LGSN: variants seen among roughly 807,000 people sequenced by gnomAD.
LGSN encodes the protein lengsin.
A neutral mutation model predicts 19.5 loss-of-function variants in LGSN; 21 were observed. The observed-to-expected ratio is 1.07, with a 90% CI of 0.76 to 1.55. LGSN has a LOEUF of 1.55. Among genes scored for constraint, LGSN ranks in the 40% most tolerant of loss-of-function variants. The pLI, the probability that LGSN is intolerant of heterozygous loss-of-function variation, is 0.00. For missense variants in LGSN, 673 were observed against 608.5 expected (o/e 1.11, Z -1.12); for synonymous variants, 257 against 215.6 (o/e 1.19, Z -1.68).
chr6:63,512,523 A>AT, the LGSN span, among the ~76,000 whole-genome samples: 1 of 152,244 alleles, frequency 6.6e-6, no homozygotes, highest in East Asian at 1.9e-4. Flanking sequence ...AATGGGGAAT[A>AT]TTTTTCCTGA....
the LGSN span, among the ~76,000 whole-genome samples, chr6:63,404,049 A>G: frequency 6.6e-6 from 1 of 151,934 alleles, no homozygotes; most frequent in Non-Finnish European, 1.5e-5. Flanking sequence ...TCTGCCAACA[A>G]CTCAATAGAG....
the LGSN span, among the ~76,000 whole-genome samples, chr6:63,487,747 G>A: frequency 1.3e-5 from 2 of 152,250 alleles, no homozygotes; most frequent in South Asian, 2.1e-4. Flanking sequence ...TTGGGAGGCC[G>A]AGGTGGGCGG....
the LGSN span, among the ~76,000 whole-genome samples, chr6:63,335,109 A>G: frequency 1.3e-5 from 2 of 149,196 alleles, no homozygotes; most frequent in South Asian, 2.1e-4. Flanking sequence ...GCACCACTGC[A>G]CTCCAGCCTG....
chr6:63,282,659 C>T (rs907756173), intron 3 of LGSN, among the ~76,000 whole-genome samples: 1 of 152,188 alleles, frequency 6.6e-6, no homozygotes, highest in Admixed American at 6.5e-5. Context: ...ACCATCTCTA[C>T]ACATATTTTT....
the LGSN span, among the ~76,000 whole-genome samples, chr6:63,541,052 A>G: frequency 6.7e-6 from 1 of 150,146 alleles, no homozygotes; most frequent in East Asian, 2.0e-4. Context: ...GAAGGAAGGA[A>G]GGAAGGGAGG....
chr6:63,461,581 A>G, the LGSN span, among the ~76,000 whole-genome samples: 1 of 152,260 alleles, frequency 6.6e-6, no homozygotes, highest in African/African-American at 2.4e-5. Context: ...CATTTACATG[A>G]TCTAGTTTAA....
the LGSN span, among the ~76,000 whole-genome samples, chr6:63,336,503 T>C: frequency 1.3e-5 from 2 of 150,286 alleles, no homozygotes; most frequent in African/African-American, 4.9e-5. Flanking sequence ...ATAAGGTCAT[T>C]TTCCCTATAG....
chr6:63,508,822 G>A, the LGSN span, among the ~76,000 whole-genome samples: 2 of 151,346 alleles, frequency 1.3e-5, no homozygotes, highest in Non-Finnish European at 2.9e-5. Context: ...AGGAGGCTGA[G>A]GCAGGAGAAT....
chr6:63,350,907 GTT>G, the LGSN span, among the ~76,000 whole-genome samples: 1 of 151,790 alleles, frequency 6.6e-6, no homozygotes, highest in African/African-American at 2.4e-5. Flanking sequence ...AAAACAATTG[GTT>G]TTTTATCCTA....
At chr6:63,333,177 G>A in the LGSN span, among the ~76,000 whole-genome samples, 1 of 151,962 alleles carries the variant, frequency 6.6e-6, no homozygotes, top group Admixed American at 6.5e-5. Flanking sequence ...CTCTTATCTG[G>A]CCCCACCTAC....
chr6:63,337,403 C>T, the LGSN span, among the ~76,000 whole-genome samples: 3 of 151,720 alleles, frequency 2.0e-5, no homozygotes, highest in East Asian at 3.9e-4. Flanking sequence ...GCAGAGGTTG[C>T]GAGGTAGAGG....
At chr6:63,485,945 C>T in the LGSN span, among the ~76,000 whole-genome samples, 20 of 151,972 alleles carry the variant, frequency 1.3e-4, no homozygotes, top group African/African-American at 4.8e-4. Context: ...GGCCCGGCTG[C>T]TCTGAAACTC....
the LGSN span, among the ~76,000 whole-genome samples, chr6:63,467,815 CTG>C: frequency 6.6e-6 from 1 of 152,160 alleles, no homozygotes; most frequent in African/African-American, 2.4e-5. Flanking sequence ...CCTCAGACCC[CTG>C]AGTAGCTGGG....
At chr6:63,378,082 A>G in the LGSN span, among the ~76,000 whole-genome samples, 5 of 151,912 alleles carry the variant, frequency 3.3e-5, no homozygotes, top group Non-Finnish European at 5.9e-5. Flanking sequence ...AGAGATGGAA[A>G]AGCAATCTAG....
At chr6:63,416,162 C>T in the LGSN span, among the ~76,000 whole-genome samples, 4 of 148,936 alleles carry the variant, frequency 2.7e-5, no homozygotes, top group Non-Finnish European at 4.4e-5. Flanking sequence ...ATGGTTGGCT[C>T]CATGGCTCAT....
chr6:63,399,397 T>TC, the LGSN span, among the ~76,000 whole-genome samples: 2 of 150,794 alleles, frequency 1.3e-5, no homozygotes, highest in Non-Finnish European at 3.0e-5. Context: ...AGTACTAATT[T>TC]TTTTTTTTTT....
At chr6:63,441,661 G>A in the LGSN span, 1 of 478,508 alleles carries the variant, frequency 2.1e-6, no homozygotes. Flanking sequence ...AAGAGTGCCA[G>A]AGAAAGGAGT....
the LGSN span, among the ~76,000 whole-genome samples, chr6:63,517,251 A>G: frequency 6.6e-6 from 1 of 152,140 alleles, no homozygotes; most frequent in South Asian, 2.1e-4. Flanking sequence ...AAAGAACTAT[A>G]AGGGTGCCTA....
chr6:63,379,930 C>T, the LGSN span, among the ~76,000 whole-genome samples: 55 of 152,102 alleles, frequency 3.6e-4, no homozygotes, highest in African/African-American at 1.2e-3. Flanking sequence ...CTCTGCCTCC[C>T]GAGTTCAAAC....
Sources: allele counts gnomAD v4.1 joint callset (sites outside exome capture counted in the v4.1 genomes callset), GRCh38; gene constraint gnomAD v4.1.1; transcripts MANE v1.5; gene names NCBI Gene and HGNC (gene_info 2026-07-23, HGNC 2026-07-21).